KCNH7: variants seen among roughly 807,000 people sequenced by gnomAD.
KCNH7 encodes the protein potassium voltage-gated channel subfamily H member 7.
Under a neutral mutation model 120.8 loss-of-function variants are expected in KCNH7, and 49 were observed. That is an observed-to-expected ratio of 0.41 (90% CI 0.32 to 0.51). The LOEUF (loss-of-function observed/expected upper bound fraction) is 0.51, where lower values mean the gene tolerates loss of function less well. Among genes scored for constraint, KCNH7 ranks in the 20% least tolerant of loss-of-function variants. The pLI, the probability that KCNH7 is intolerant of heterozygous loss-of-function variation, is 0.38. For synonymous variants in KCNH7, 547 were observed against 516.1 expected, an observed-to-expected ratio of 1.06 and a Z score of -0.81; for missense variants, 1,097 against 1,446.6, an observed-to-expected ratio of 0.76 and a Z score of 3.92.
At chr2:162,606,899 A>G (rs766185310) in intron 2 of KCNH7, among the ~76,000 whole-genome samples, 28 of 152,310 alleles carry the variant, frequency 1.8e-4, no homozygotes, top group African/African-American at 4.3e-4. Flanking sequence ...AAAGCGAGAA[A>G]CAGCTTAAAT....
At chr2:162,761,719 T>TTAAATA (rs1356332006) in intron 2 of KCNH7, among the ~76,000 whole-genome samples, 2 of 152,076 alleles carry the variant, frequency 1.3e-5, no homozygotes, top group East Asian at 3.9e-4. Context: ...AATGTTTACC[T>TTAAATA]ATCACTTTCT....
At chr2:162,400,536 G>A in intron 9 of KCNH7, 95 bp from the exon 10 acceptor site, 1 of 1,258,778 alleles carries the variant, frequency 7.9e-7, no homozygotes, top group Non-Finnish European at 1.1e-6. Context: ...TGCAGGTGTA[G>A]TCATTGCCAC....
chr2:162,627,004 T>C (rs1683585330), intron 2 of KCNH7, among the ~76,000 whole-genome samples: 1 of 152,192 alleles, frequency 6.6e-6, no homozygotes, highest in Admixed American at 6.6e-5. Flanking sequence ...ATCATGCTTA[T>C]AGAATGCACT....
At chr2:162,559,054 C>CAAAAAAAAAAAAAAAAAAAAAAAAAAAA (rs780823559) in intron 2 of KCNH7, among the ~76,000 whole-genome samples, 1 of 37,156 alleles carries the variant, frequency 2.7e-5, no homozygotes, top group Non-Finnish European at 5.6e-5. Context: ...GACTCTGCCT[C>CAAAAAAAAAAAAAAAAAAAAAAAAAAAA]AAAAAAAAAA....
chr2:162,420,632 C>T (rs1003090918), intron 9 of KCNH7, among the ~76,000 whole-genome samples: 1 of 152,074 alleles, frequency 6.6e-6, no homozygotes, highest in Non-Finnish European at 1.5e-5. Context: ...TTTTTGTGGT[C>T]TATCAAACAA....
At position 162,600,924 on chromosome 2, in the gene KCNH7, A is replaced by T. The variant is rs186167195; in HGVS notation, c.308-63844T>A. 9.9e-5 allele frequency among the ~76,000 whole-genome samples: 15 copies of T among 152,214 alleles called. No homozygotes were observed. The East Asian group carries it at 2.9e-3, about 29-fold the overall frequency. On this transcript the variant is annotated intron_variant, in intron 2 of 15. Transcript: ENST00000332142. The stretch of plus-strand genomic sequence containing the variant: ...CATTCTATGCTTCATGGGAAAGGAC[A>T]TTCCATGGAGTAGTGATGTCTCCCA...
chr2:162,498,265 A>G (rs886129949), intron 6 of KCNH7, among the ~76,000 whole-genome samples: 2 of 152,100 alleles, frequency 1.3e-5, no homozygotes, highest in Non-Finnish European at 2.9e-5. Context: ...GACAAATACT[A>G]AGTTTAAAGG....
chr2:162,690,178 A>T (rs1379447524), intron 2 of KCNH7, among the ~76,000 whole-genome samples: 1 of 152,158 alleles, frequency 6.6e-6, no homozygotes, highest in Non-Finnish European at 1.5e-5. Flanking sequence ...GAGCTAAATG[A>T]TGAGGATACT....
intron 12 of KCNH7, among the ~76,000 whole-genome samples, chr2:162,389,708 A>T (rs908744301): frequency 6.6e-6 from 1 of 152,084 alleles, no homozygotes; most frequent in African/African-American, 2.4e-5. Flanking sequence ...CACGCAATAA[A>T]ACCAATAGAG....
chr2:162,836,427 C>A, intron 2 of KCNH7, 110 bp downstream of exon 2: 2 of 769,696 alleles, frequency 2.6e-6, no homozygotes, highest in Non-Finnish European at 4.3e-6. Context: ...ATATGCAAAG[C>A]ATATATCTAC....
chr2:162,670,260 G>T (rs1245663675), intron 2 of KCNH7, among the ~76,000 whole-genome samples: 5 of 151,726 alleles, frequency 3.3e-5, no homozygotes, highest in Non-Finnish European at 1.5e-5. Flanking sequence ...ATCACCTGAG[G>T]TCAGGAGTTT....
At chr2:162,712,346 C>G (rs1319294804) in intron 2 of KCNH7, among the ~76,000 whole-genome samples, 1 of 152,082 alleles carries the variant, frequency 6.6e-6, no homozygotes, top group Non-Finnish European at 1.5e-5. Flanking sequence ...TTATCACCAG[C>G]TCCAAAGTCC....
chr2:162,691,825 C>T (rs1431749533), intron 2 of KCNH7, among the ~76,000 whole-genome samples: 3 of 152,040 alleles, frequency 2.0e-5, no homozygotes, highest in Non-Finnish European at 4.4e-5. Context: ...ATTGCTGTTA[C>T]TACTAATTAA....
intron 2 of KCNH7, among the ~76,000 whole-genome samples, chr2:162,617,259 C>T (rs1218586839): frequency 6.6e-6 from 1 of 151,958 alleles, no homozygotes; most frequent in Non-Finnish European, 1.5e-5. Context: ...GTGGGCAGAT[C>T]ACGAGGTCAG....
intron 2 of KCNH7, among the ~76,000 whole-genome samples, chr2:162,669,808 T>G (rs1179975363): frequency 1.6e-4 from 25 of 152,060 alleles, no homozygotes; most frequent in Non-Finnish European, 2.9e-5. Flanking sequence ...AGTATGTGCT[T>G]AAGAAAGAAG....
At chr2:162,733,804 A>G (rs1319074089) in intron 2 of KCNH7, among the ~76,000 whole-genome samples, 1 of 152,216 alleles carries the variant, frequency 6.6e-6, no homozygotes, top group African/African-American at 2.4e-5. Flanking sequence ...AGGGAAGTGA[A>G]TAGAACAAGA....
chr2:162,755,049 C>A (rs994793815), intron 2 of KCNH7, among the ~76,000 whole-genome samples: 3 of 152,150 alleles, frequency 2.0e-5, no homozygotes, highest in African/African-American at 7.2e-5. Flanking sequence ...ATTTAAGATT[C>A]TCTGACAGTT....
intron 2 of KCNH7, among the ~76,000 whole-genome samples, chr2:162,572,916 A>AG (rs1693537581): frequency 6.6e-6 from 1 of 152,064 alleles, no homozygotes; most frequent in African/African-American, 2.4e-5. Flanking sequence ...AGAAGGGCGG[A>AG]GGGATAGCAT....
chr2:162,402,237 CT>C (rs1254484271), intron 9 of KCNH7, among the ~76,000 whole-genome samples: 1 of 150,834 alleles, frequency 6.6e-6, no homozygotes, highest in Non-Finnish European at 1.5e-5. Flanking sequence ...TTGTTGGAAT[CT>C]TATATCAACT....
Sources: allele counts gnomAD v4.1 joint callset (sites outside exome capture counted in the v4.1 genomes callset), GRCh38; gene constraint gnomAD v4.1.1; transcripts MANE v1.5; gene names NCBI Gene and HGNC (gene_info 2026-07-23, HGNC 2026-07-21).